Variants in ZFYVE26 observed in about 807,000 individuals in gnomAD.
The protein encoded by ZFYVE26 is zinc finger FYVE-type containing 26.
ZFYVE26 carries 181 observed loss-of-function variants against 276.5 expected under a neutral mutation model. That is an observed-to-expected ratio of 0.65 (90% CI 0.58 to 0.74). The LOEUF is 0.74. ZFYVE26 is among the 30% of genes least tolerant of loss of function. The pLI is 0.00. For synonymous variants in ZFYVE26, 1,129 were observed against 1,203.1 expected (o/e 0.94, Z 1.27); for missense variants, 2,821 against 3,097.9 (o/e 0.91, Z 2.12).
chr14:67,735,850 A>G (rs1236025803), intron 13 of ZFYVE26, among the ~76,000 whole-genome samples: 1 of 152,230 alleles, frequency 6.6e-6, no homozygotes. Context: ...GAAATCAAAG[A>G]GACATATGAA....
chr14:67,794,099 C>T lies in ZFYVE26; in HGVS notation c.2401+72G>A, dbSNP rs1166637074. The T allele has an allele frequency of 2.0e-6, 3 of 1,510,784 alleles. No individual in the cohort carries two copies. The African/African-American group carries it at 4.1e-5, about 21-fold the overall frequency. The allele number at this position is 1,510,784 out of a possible 1,614,324, so 93.6% of individuals were successfully genotyped here. A position where few individuals can be genotyped will look rare whatever the true frequency, so the allele number is the denominator to read the frequency against. ...CCTTGACTGCTCAATCCTGGCTTTA[C>T]ACCATGGTGTATGGCAACTCTATAT... is the stretch of plus-strand genomic sequence containing the variant. On this transcript the variant is annotated intron_variant, in intron 13 of 41. Transcript: ENST00000347230.
chr14:67,800,926 T>TAAATA (rs2040063958), intron 10 of ZFYVE26, among the ~76,000 whole-genome samples: 1 of 18,678 alleles, frequency 5.4e-5, no homozygotes, highest in Non-Finnish European at 9.3e-5. Flanking sequence ...AGTTACCGTA[T>TAAATA]AAATAAATAA....
At chr14:67,780,836 A>C (rs2039478751) in intron 22 of ZFYVE26, among the ~76,000 whole-genome samples, 1 of 152,220 alleles carries the variant, frequency 6.6e-6, no homozygotes, top group African/African-American at 2.4e-5. Context: ...TTGGAAAATT[A>C]GCATCTATTT....
At chr14:67,806,235 T>C (rs537922148) in intron 6 of ZFYVE26, among the ~76,000 whole-genome samples, 9 of 152,298 alleles carry the variant, frequency 5.9e-5, no homozygotes, top group Admixed American at 5.2e-4. Context: ...GTAATTAAAT[T>C]CTCCTGTCAG....
In ZFYVE26 at chr14:67,748,464, C is replaced by T; in HGVS notation, c.7592G>A (p.Gly2531Asp). The T allele has an allele frequency of 2.5e-6, 4 of 1,612,664 alleles. No individual in the cohort carries two copies. Among genetic ancestry groups the T allele is most frequent in the South Asian group, 2.2e-5 (2 of 91,026 alleles). The change falls in exon 42 of 42, where the codon GGT (glycine) becomes GAT (aspartate). Residue 2531 changes from glycine to aspartate, a missense_variant. Gly to Asp is a moderately conservative substitution (Grantham distance 94, BLOSUM62 -1). Coordinates refer to ENST00000347230, the MANE Select transcript of ZFYVE26 (RefSeq NM_015346.4). ...CTTCCTGGAGCCTGGGCCATGGGCA[C>T]CCCGGGGGTGGCTTGTCAGAAGCCA... ...AQWLLTSHPRGAHGPGSRK is the reference protein window; with the variant it reads ...AQWLLTSHPRDAHGPGSRK
In ZFYVE26 at chr14:67,798,078, T is replaced by C. The variant is rs763014308; in HGVS notation, c.2184A>G (p.Arg728=). The change falls in exon 11 of 42, where the codon CGA becomes CGG. Residue 728 remains arginine (R), a synonymous_variant. Coordinates refer to ENST00000347230, the MANE Select transcript of ZFYVE26 (RefSeq NM_015346.4). ...SRDGLQSRLH[R]LSKVVSEAQW... ...GGGCCTCAGAGACAACCTTGGAAAG[T>C]CGATGCAGGCGGCTCTGCAGTCCAT... The C allele has an allele frequency of 4.3e-6, 7 of 1,614,140 alleles. No homozygotes were observed. Among genetic ancestry groups the C allele is most frequent in the Non-Finnish European group, 5.1e-6 (6 of 1,180,018 alleles).
rs1341637933 is a variant in ZFYVE26, at chr14:67,746,798, G to C, written c.*1638C>G. ...AGTGCTTATGTTCAGTGCAAAAAAG[G>C]CAGACTCAGAAGGGCAAGCAGACGC... On this transcript the variant is annotated 3_prime_UTR_variant, in exon 42 of 42. Coordinates refer to ENST00000347230, the MANE Select transcript of ZFYVE26 (RefSeq NM_015346.4). 3 of 152,534 alleles carry C rather than the reference G, an allele frequency of 2.0e-5. No individual in the cohort carries two copies. The highest frequency in any genetic ancestry group is 7.2e-5 in the African/African-American group (3 of 41,420). The allele number at this position is 152,534 out of a possible 1,614,324, so 9.4% of individuals were successfully genotyped here.
chr14:67,761,652 G>C, intron 34 of ZFYVE26, 68 bp from the exon 35 acceptor site: 2 of 1,383,044 alleles, frequency 1.4e-6, no homozygotes, highest in Non-Finnish European at 2.0e-6. Context: ...TGAAAATATT[G>C]CTTGCAAAGA....
At position 67,766,281 on chromosome 14, in the gene ZFYVE26, G is replaced by A. The variant is rs1373623894; in HGVS notation, c.5957C>T (p.Ala1986Val). 1 of 1,613,984 alleles carries A rather than the reference G, an allele frequency of 6.2e-7. No individual in the cohort carries two copies. Among genetic ancestry groups the A allele is most frequent in the Non-Finnish European group, 8.5e-7 (1 of 1,180,024 alleles). The change falls in exon 32 of 42, where the codon GCC (alanine) becomes GTC (valine). Residue 1986 changes from alanine (A) to valine (V), a missense_variant. Coordinates refer to ENST00000347230, the MANE Select transcript of ZFYVE26 (RefSeq NM_015346.4). ...TDIMKQLLFSAKMMFVKAGQS... is the reference protein window; with the variant it reads ...TDIMKQLLFSVKMMFVKAGQS... ...GCCGGCTTTGACGAACATCATCTTG[G>A]CGCTGAACAGCAGCTGCTTCATGAT...
At chr14:67,785,318 C>T (rs556751003) in intron 18 of ZFYVE26, 41 bp from the exon 19 acceptor site, 2 of 1,539,808 alleles carry the variant, frequency 1.3e-6, no homozygotes, top group East Asian at 2.4e-5. Flanking sequence ...AGGCTTCAGT[C>T]TGTGAGTCCA....
chr14:67,781,503 G>C lies in ZFYVE26; in HGVS notation c.4399C>G (p.Pro1467Ala). The C allele has an allele frequency of 6.2e-7, 1 of 1,614,174 alleles. No homozygotes were observed. Among genetic ancestry groups the C allele is most frequent in the South Asian group, 1.1e-5 (1 of 91,086 alleles). ...CTTCTCAGAGATGCATCCTTCACGG[G>C]AAACAGGTATTGCCAACCTTCTTTG... is the stretch of plus-strand genomic sequence containing the variant. ...CDKEGWQYLF[P>A]VKDASLRSRL... The change falls in exon 22 of 42, where the codon CCC becomes GCC. Residue 1467 changes from proline to alanine, a missense_variant. Coordinates refer to ENST00000347230, the MANE Select transcript of ZFYVE26 (RefSeq NM_015346.4).
In ZFYVE26 at chr14:67,748,492, G is replaced by A; in HGVS notation, c.7564C>T (p.Gln2522Ter). The A allele has an allele frequency of 6.2e-7, 1 of 1,613,550 alleles. No individual in the cohort carries two copies. Among genetic ancestry groups the A allele is most frequent in the Non-Finnish European group, 8.5e-7 (1 of 1,179,932 alleles). ...GDAVVQDICA[Q>*]WLLTSHPRGA... The stretch of plus-strand genomic sequence containing the variant: ...CGGGGGTGGCTTGTCAGAAGCCACT[G>A]GGCACAGATGTCTTGCACTACTGCA... Residue 2522 changes from glutamine (Q) to a stop codon, truncating the protein, a stop_gained, in exon 42 of 42, where the codon CAG becomes TAG. Transcript: ENST00000347230. LOFTEE classifies it high-confidence loss of function.
At chr14:67,778,034 T>C (rs1223459919) in intron 24 of ZFYVE26, 92 bp downstream of exon 24, 2 of 1,561,992 alleles carry the variant, frequency 1.3e-6, no homozygotes, top group Non-Finnish European at 8.8e-7. Flanking sequence ...TAGCTGAGAT[T>C]GCATGGGATT....
In ZFYVE26 at chr14:67,785,967, A is replaced by G; in HGVS notation, c.3195T>C (p.Leu1065=). The G allele has an allele frequency of 6.2e-7, 1 of 1,614,186 alleles. No individual in the cohort carries two copies. Among genetic ancestry groups the G allele is most frequent in the Non-Finnish European group, 8.5e-7 (1 of 1,180,022 alleles). The change falls in exon 18 of 42, where the codon CTT becomes CTC. Residue 1065 remains leucine, a synonymous_variant. Transcript: ENST00000347230. ...GPPRCSITEL[L]QMCWPSLSED... is the part of the protein sequence containing the mutation. ...CGCTTAGGCTGGGCCAGCACATCTG[A>G]AGCAGTTCAGTGATGCTGCACCGTG... is the stretch of plus-strand genomic sequence containing the variant.
At chr14:67,793,582 G>T (rs2039876144) in intron 14 of ZFYVE26, 26 bp downstream of exon 14, 1 of 1,610,830 alleles carries the variant, frequency 6.2e-7, no homozygotes, top group Non-Finnish European at 8.5e-7. Context: ...TCATTCAGGG[G>T]CTGAAAAGGT....
chr14:67,812,895 C>T (rs777859608), intron 3 of ZFYVE26, among the ~76,000 whole-genome samples: 13 of 152,174 alleles, frequency 8.5e-5, no homozygotes, highest in Non-Finnish European at 1.8e-4. Flanking sequence ...TCTTTTAAAT[C>T]TGAAACCATA....
At position 67,769,805 on chromosome 14, in the gene ZFYVE26, G is replaced by A. The variant is rs2295111; in HGVS notation, c.5485-75C>T. ...ATTGCCATCAATCCATTTATACATG[G>A]TATTAACTACCAGTGGCTTATACTT... On this transcript the variant is annotated intron_variant, in intron 28 of 41. Coordinates refer to ENST00000347230, the MANE Select transcript of ZFYVE26 (RefSeq NM_015346.4). 0.54 allele frequency: 856,838 copies of A among 1,597,118 alleles called. 242,961 individuals are homozygous for A. The highest frequency in any genetic ancestry group is 0.6 in the Non-Finnish European group (697,267 of 1,168,838).
In ZFYVE26 at chr14:67,797,733, G is replaced by T; in HGVS notation, c.2271C>A (p.Tyr757Ter). ...GACTGGGGTGACGTGTGGCAGGCTGGTATCTTCGGGAAGGTTGCTCCTCTG... is the reference window on the plus strand; with the variant it reads ...GACTGGGGTGACGTGTGGCAGGCTGTTATCTTCGGGAAGGTTGCTCCTCTG... ...HRSEEQPSRR[Y>*]QPATRHPSLR... The change falls in exon 12 of 42, where the codon TAC (tyrosine) becomes TAA (stop). Residue 757 changes from tyrosine to a stop codon, truncating the protein, a stop_gained. Coordinates refer to ENST00000347230, the MANE Select transcript of ZFYVE26 (RefSeq NM_015346.4). LOFTEE classifies it high-confidence loss of function. 4 of 1,614,160 alleles carry T rather than the reference G, an allele frequency of 2.5e-6. No homozygotes were observed. The highest frequency in any genetic ancestry group is 3.4e-6 in the Non-Finnish European group (4 of 1,180,034).
chr14:67,784,296 G>C, intron 20 of ZFYVE26, 38 bp downstream of exon 20: 1 of 1,556,234 alleles, frequency 6.4e-7, no homozygotes, highest in South Asian at 1.1e-5. Flanking sequence ...GAAATCATCC[G>C]AAGGCCCATG....
Sources: allele counts gnomAD v4.1 joint callset (sites outside exome capture counted in the v4.1 genomes callset), GRCh38; gene constraint gnomAD v4.1.1; transcripts MANE v1.5; gene names NCBI Gene and HGNC (gene_info 2026-07-23, HGNC 2026-07-21).